The following ARHGAP26 variants were observed in gnomAD, a reference collection of about 807,000 sequenced individuals.
ARHGAP26 encodes Rho GTPase activating protein 26, also known as rho GTPase-activating protein 26.
In ARHGAP26, 38 loss-of-function variants were observed where a neutral mutation model predicts 104.8. That is an observed-to-expected ratio of 0.36 (90% CI 0.28 to 0.48). The LOEUF is 0.48. Among genes scored for constraint, ARHGAP26 ranks in the 20% least tolerant of loss-of-function variants. ARHGAP26 has a pLI of 0.99. For missense variants in ARHGAP26, 704 were observed against 947.9 expected (o/e 0.74, Z 3.38); for synonymous variants, 341 against 340.0 (o/e 1.00, Z -0.03).
intron 21 of ARHGAP26, among the ~76,000 whole-genome samples, chr5:143,213,444 C>T (rs1044426829): frequency 1.3e-5 from 2 of 152,162 alleles, no homozygotes; most frequent in African/African-American, 4.8e-5. Context: ...AGAGCTCCAG[C>T]TCTGGAATCC....
Position 143,228,790 on chromosome 5 carries a change from C to T in ARHGAP26, c.*6344C>T, listed in dbSNP as rs1811853278. The T allele has an allele frequency of 1.0e-5, 2 of 195,756 alleles. No individual in the cohort carries two copies. The highest frequency in any genetic ancestry group is 3.9e-4 in the South Asian group (2 of 5,172). The allele number at this position is 195,756 out of a possible 1,614,324, so 12.1% of individuals were successfully genotyped here. A position where few individuals can be genotyped will look rare whatever the true frequency, so the allele number is the denominator to read the frequency against. ...GCTGTAATTAGAAAGTAATCTGTGA[C>T]TAGAATAGACCTTTGTCCCTGTTAG... On this transcript the variant is annotated 3_prime_UTR_variant, in exon 23 of 23. Coordinates refer to ENST00000645722, the MANE Select transcript of ARHGAP26 (RefSeq NM_001135608.3).
chr5:142,774,233 C>A (rs1253053414), intron 1 of ARHGAP26, among the ~76,000 whole-genome samples: 1 of 152,162 alleles, frequency 6.6e-6, no homozygotes. Context: ...ACATAAATGA[C>A]AGCAAATTAA....
intron 1 of ARHGAP26, among the ~76,000 whole-genome samples, chr5:142,869,818 T>C (rs1254793198): frequency 3.9e-5 from 6 of 152,182 alleles, no homozygotes; most frequent in Non-Finnish European, 7.3e-5. Flanking sequence ...CGGTGCAGAT[T>C]AATATCTGCT....
intron 17 of ARHGAP26, among the ~76,000 whole-genome samples, chr5:143,093,597 T>C (rs1440039355): frequency 6.6e-6 from 1 of 152,078 alleles, no homozygotes; most frequent in Non-Finnish European, 1.5e-5. Context: ...TCTTTCTCTC[T>C]GTCTTTGACT....
At chr5:142,941,093 AAAAAAAAG>A (rs1766271547) in intron 11 of ARHGAP26, among the ~76,000 whole-genome samples, 1 of 150,400 alleles carries the variant, frequency 6.6e-6, no homozygotes, top group East Asian at 1.9e-4. Context: ...AAAAAAAAAA[AAAAAAAAG>A]AATCTATATT....
At chr5:142,968,866 T>G (rs1480499462) in intron 11 of ARHGAP26, among the ~76,000 whole-genome samples, 1 of 152,276 alleles carries the variant, frequency 6.6e-6, no homozygotes, top group East Asian at 1.9e-4. Context: ...AAATATTTGT[T>G]TAATGAATTG....
chr5:142,882,460 T>C (rs532028999), intron 4 of ARHGAP26, among the ~76,000 whole-genome samples: 10 of 152,246 alleles, frequency 6.6e-5, no homozygotes, highest in Non-Finnish European at 1.3e-4. Flanking sequence ...TTCTGTGCCC[T>C]GATATTTGGT....
At chr5:143,004,017 CAAAAAAAAAAAAAA>C (rs144058530) in intron 11 of ARHGAP26, among the ~76,000 whole-genome samples, 1 of 118,176 alleles carries the variant, frequency 8.5e-6, no homozygotes, top group African/African-American at 3.7e-5. Context: ...AATTTATAGA[CAAAAAAAAAAAAAA>C]AAAAAAAGGA....
rs750527087 is a variant in ARHGAP26 at position 142,795,632 on chromosome 5, C to T, written c.154+24717C>T. Among the ~76,000 whole-genome samples the T allele has an allele frequency of 3.3e-5, 5 of 152,174 alleles. No individual in the cohort carries two copies. The East Asian group carries it at 5.8e-4, about 18-fold the overall frequency. On this transcript the variant is annotated intron_variant, in intron 1 of 22. Coordinates refer to ENST00000645722, the MANE Select transcript of ARHGAP26 (RefSeq NM_001135608.3). Reference sequence around the variant, plus strand: ...TTTGCTTCCAGCCCCAAATTCCCTCCGTATCCACTTTTTCATTACATTACA... The same window carrying T: ...TTTGCTTCCAGCCCCAAATTCCCTCTGTATCCACTTTTTCATTACATTACA...
chr5:143,154,327 C>CTAAA (rs1800214396), intron 20 of ARHGAP26, among the ~76,000 whole-genome samples: 1 of 152,114 alleles, frequency 6.6e-6, no homozygotes, highest in African/African-American at 2.4e-5. Flanking sequence ...AGGCAAGTGA[C>CTAAA]TTTAGCTCTC....
chr5:143,013,996 A>G (rs1779234882), intron 11 of ARHGAP26, 84 bp from the exon 12 acceptor site: 1 of 1,376,822 alleles, frequency 7.3e-7, no homozygotes, highest in Admixed American at 1.8e-5. Flanking sequence ...AACTAGGGAA[A>G]GTGAGGAAGA....
intron 18 of ARHGAP26, among the ~76,000 whole-genome samples, chr5:143,125,681 A>G (rs1360264504): frequency 2.6e-5 from 4 of 152,218 alleles, no homozygotes; most frequent in African/African-American, 9.7e-5. Flanking sequence ...CTGATTGTTT[A>G]CTCAATTAAA....
At chr5:142,854,740 T>C (rs971951615) in intron 1 of ARHGAP26, among the ~76,000 whole-genome samples, 3 of 152,194 alleles carry the variant, frequency 2.0e-5, no homozygotes, top group Non-Finnish European at 4.4e-5. Flanking sequence ...ATGCAGGGAA[T>C]CTAACATGGC....
intron 17 of ARHGAP26, among the ~76,000 whole-genome samples, chr5:143,097,680 G>C (rs1792596948): frequency 6.6e-6 from 1 of 152,024 alleles, no homozygotes; most frequent in South Asian, 2.1e-4. Flanking sequence ...AAATTAGCTG[G>C]ATGTGGTGGC....
chr5:143,069,442 A>G (rs1787947637), intron 17 of ARHGAP26, among the ~76,000 whole-genome samples: 2 of 152,164 alleles, frequency 1.3e-5, no homozygotes, highest in Non-Finnish European at 2.9e-5. Context: ...CTCAGTTCCA[A>G]CTACCTTTGT....
At chr5:143,177,527 C>T (rs1012497189) in intron 20 of ARHGAP26, among the ~76,000 whole-genome samples, 2 of 152,206 alleles carry the variant, frequency 1.3e-5, no homozygotes, top group Non-Finnish European at 1.5e-5. Context: ...TATGCATGCT[C>T]ACCCATAGCT....
chr5:143,109,187 C>T (rs565845614), intron 17 of ARHGAP26, among the ~76,000 whole-genome samples: 7 of 143,324 alleles, frequency 4.9e-5, no homozygotes, highest in South Asian at 2.2e-4. Context: ...ACCTGCTCTA[C>T]GCCCCAGTTC....
rs571957008 is a variant in ARHGAP26, at chr5:143,079,266, T to A, written c.1538+21519T>A. Among the ~76,000 whole-genome samples, 37 of 152,298 alleles carry A rather than the reference T, an allele frequency of 2.4e-4. No homozygotes were observed. In the East Asian group the frequency reaches 6.0e-3, roughly 25 times the overall value. On this transcript the variant is annotated intron_variant, in intron 17 of 22. Coordinates refer to ENST00000645722, the MANE Select transcript of ARHGAP26 (RefSeq NM_001135608.3). ...TTAGGTGGAGGAAGCCTATGAAACA[T>A]TATTTTTCTCAGACATCTACTGTGA...
At chr5:142,808,939 G>C (rs147929930) in intron 1 of ARHGAP26, among the ~76,000 whole-genome samples, 9 of 152,306 alleles carry the variant, frequency 5.9e-5, no homozygotes, top group African/African-American at 2.2e-4. Context: ...TTAAGCTTGT[G>C]TCCTTGTCCT....
Sources: allele counts gnomAD v4.1 joint callset (sites outside exome capture counted in the v4.1 genomes callset), GRCh38; gene constraint gnomAD v4.1.1; transcripts MANE v1.5; gene names NCBI Gene and HGNC (gene_info 2026-07-23, HGNC 2026-07-21).